Variants in MVB12A observed in about 807,000 individuals in gnomAD.
MVB12A encodes CIN85/CD2AP family binding protein.
Under a neutral mutation model 34.3 loss-of-function variants are expected in MVB12A, and 30 were observed. The ratio of observed to expected loss-of-function variants is 0.88; its 90% CI spans 0.65 to 1.19. The LOEUF (loss-of-function observed/expected upper bound fraction) is 1.19, where lower values mean the gene tolerates loss of function less well. Ranked by LOEUF, MVB12A falls within the 50% of genes most tolerant of loss-of-function variation. The pLI, the probability that MVB12A is intolerant of heterozygous loss-of-function variation, is 0.00. For missense variants in MVB12A, 355 were observed against 369.2 expected (o/e 0.96, Z 0.31); for synonymous variants, 158 against 158.9 (o/e 0.99, Z 0.04).
rs113949711 is a variant in MVB12A at position 17,420,699 on chromosome 19, A to G, written c.286+65A>G. The G allele has an allele frequency of 1.9e-3, 2,248 of 1,192,812 alleles. 29 individuals are homozygous for G. The African/African-American group carries it at 0.029, about 16-fold the overall frequency. 73.9% of individuals were successfully genotyped at this position (1,192,812 alleles called of 1,614,324 possible). A position where few individuals can be genotyped will look rare whatever the true frequency, so the allele number is the denominator to read the frequency against. ...TGCAGGGAGGAGCGGGGGAGGAGGG[A>G]CGACGGGCGCGCGGTATCTGAGCCT... On this transcript the variant is annotated intron_variant, in intron 3 of 8. Transcript: ENST00000317040.
At chr19:17,413,212 T>C (rs1276474717) in intron 2 of MVB12A, 1 of 152,084 alleles carries the variant, frequency 6.6e-6, no homozygotes, top group African/African-American at 2.4e-5. Context: ...AACTTTCCCT[T>C]TGGTACAGAC....
chr19:17,423,640 G>T (rs776986817), intron 5 of MVB12A, 23 bp downstream of exon 5: 38 of 1,613,364 alleles, frequency 2.4e-5, no homozygotes, highest in Admixed American at 3.3e-5. Context: ...GCACCGGAGT[G>T]GGGGTGGCCG....
intron 2 of MVB12A, among the ~76,000 whole-genome samples, chr19:17,411,353 CCT>C (rs1447483789): frequency 1.3e-5 from 2 of 151,558 alleles, no homozygotes; most frequent in Admixed American, 6.6e-5. Flanking sequence ...CCCAATTTCC[CCT>C]CTTTTATTTA....
upstream of MVB12A, chr19:17,419,387 C>T (rs1220879294): frequency 1.3e-5 from 2 of 150,394 alleles, no homozygotes; most frequent in Admixed American, 6.6e-5. Flanking sequence ...CTGGTGGCAT[C>T]CTCAGTAGCT....
Position 17,425,104 on chromosome 19 carries a change from C to G in MVB12A, c.*111C>G. 1 of 653,290 alleles carries G rather than the reference C, an allele frequency of 1.5e-6. No homozygotes were observed. Among genetic ancestry groups the G allele is most frequent in the South Asian group, 1.9e-5 (1 of 52,892 alleles). The allele number at this position is 653,290 out of a possible 1,614,324, so 40.5% of individuals were successfully genotyped here. A position where few individuals can be genotyped will look rare whatever the true frequency, so the allele number is the denominator to read the frequency against. On this transcript the variant is annotated 3_prime_UTR_variant, in exon 9 of 9. Coordinates refer to ENST00000317040, the MANE Select transcript of MVB12A (RefSeq NM_138401.4). ...CCCCCACTCACTGCATCCTGGGAAC[C>G]TTCGCCCTGCAAGGCGTTTGCTATC...
chr19:17,424,735 G>T (rs1272793387), intron 8 of MVB12A, 58 bp downstream of exon 8: 3 of 1,542,738 alleles, frequency 1.9e-6, no homozygotes, highest in Admixed American at 2.0e-5. Context: ...TGCCTGAGGG[G>T]CCGGCACCCG....
intron 3 of MVB12A, 71 bp downstream of exon 3, chr19:17,420,705 GGC>G: frequency 8.8e-7 from 1 of 1,134,960 alleles, no homozygotes; most frequent in Non-Finnish European, 1.3e-6. Context: ...AGGGACGACG[GGC>G]GCGCGGTATC....
intron 4 of MVB12A, 89 bp from the exon 5 acceptor site, chr19:17,423,409 T>A: frequency 6.9e-7 from 1 of 1,442,326 alleles, no homozygotes; most frequent in Non-Finnish European, 9.3e-7. Flanking sequence ...GTCACCTGCA[T>A]GCCCGGGTCC....
At chr19:17,409,629 G>A (rs1343128504) in intron 2 of MVB12A, among the ~76,000 whole-genome samples, 2 of 142,426 alleles carry the variant, frequency 1.4e-5, no homozygotes. Flanking sequence ...TGTATTTTTA[G>A]TAGAGAGGTT....
intron 7 of MVB12A, among the ~76,000 whole-genome samples, 155 bp from the exon 8 acceptor site, chr19:17,424,466 A>AAAAAC (rs531340265): frequency 2.0e-5 from 3 of 152,012 alleles, no homozygotes; most frequent in Non-Finnish European, 4.4e-5. Context: ...CTTTGTCTCT[A>AAAAAC]AAAACAAAAC....
At chr19:17,419,547 T>C (rs1301922029), upstream of MVB12A, 1 of 152,234 alleles carries the variant, frequency 6.6e-6, no homozygotes, top group Admixed American at 6.5e-5. Context: ...CCACAGATGA[T>C]TTCCTTTGGG....
chr19:17,417,029 CT>C, upstream of MVB12A: 1 of 378,838 alleles, frequency 2.6e-6, no homozygotes, highest in South Asian at 2.0e-5. Flanking sequence ...TCCTCCTCTT[CT>C]TTCTTCATCT....
At position 17,425,236 on chromosome 19, in the gene MVB12A, A is replaced by G. The variant is rs2074864841; in HGVS notation, c.*243A>G. The G allele has an allele frequency of 1.9e-6, 1 of 514,406 alleles. No homozygotes were observed. The highest frequency in any genetic ancestry group is 3.4e-5 in the East Asian group (1 of 29,798). 31.9% of individuals were successfully genotyped at this position (514,406 alleles called of 1,614,324 possible). A position where few individuals can be genotyped will look rare whatever the true frequency, so the allele number is the denominator to read the frequency against. Reference sequence around the variant, plus strand: ...CTGCCGGGCAGGGCTGGAGCTGGACAGAAGCCAGTGCCTTTAAGTCATTTG... The same window carrying G: ...CTGCCGGGCAGGGCTGGAGCTGGACGGAAGCCAGTGCCTTTAAGTCATTTG... On this transcript the variant is annotated 3_prime_UTR_variant, in exon 9 of 9. Coordinates refer to ENST00000317040, the MANE Select transcript of MVB12A (RefSeq NM_138401.4).
At chr19:17,419,527 G>A (rs1318224535), upstream of MVB12A, 1 of 152,198 alleles carries the variant, frequency 6.6e-6, no homozygotes, top group Non-Finnish European at 1.5e-5. Flanking sequence ...TAAATCAATA[G>A]CTGCGTATCC....
chr19:17,415,259 G>T (rs1185753044), upstream of MVB12A: 3 of 152,278 alleles, frequency 2.0e-5, no homozygotes, highest in Admixed American at 2.0e-4. Flanking sequence ...AACGCCATCT[G>T]GCCCCTTGAT....
chr19:17,424,763 G>A, intron 8 of MVB12A, 86 bp downstream of exon 8: 1 of 1,513,774 alleles, frequency 6.6e-7, no homozygotes, highest in East Asian at 2.3e-5. Context: ...TCCGCCCCAG[G>A]CTGTCCCAGT....
chr19:17,421,428 C>T (rs1408082463), intron 3 of MVB12A, among the ~76,000 whole-genome samples: 1 of 151,934 alleles, frequency 6.6e-6, no homozygotes, highest in Non-Finnish European at 1.5e-5. Flanking sequence ...AGGTGATCCA[C>T]CTGCCTGGGC....
rs1053826805 is a variant in MVB12A at position 17,420,060 on chromosome 19, G to C, written c.-76G>C. Reference sequence around the variant, plus strand: ...CTTCTGGGAGTTGTAGTTCGGTCGCGAGCGCTGCCGTCGGGAGGCGCTCCG... The same window carrying C: ...CTTCTGGGAGTTGTAGTTCGGTCGCCAGCGCTGCCGTCGGGAGGCGCTCCG... On this transcript the variant is annotated 5_prime_UTR_variant, in exon 1 of 9. Transcript: ENST00000317040. The C allele has an allele frequency of 7.5e-6, 7 of 938,974 alleles. No homozygotes were observed. The East Asian group carries it at 1.8e-4, about 24-fold the overall frequency. The allele number at this position is 938,974 out of a possible 1,614,324, so 58.2% of individuals were successfully genotyped here.
chr19:17,417,152 G>T, upstream of MVB12A: 1 of 234,112 alleles, frequency 4.3e-6, no homozygotes, highest in East Asian at 9.5e-5. Context: ...CAGCTTTGCC[G>T]CCTTAGTGAC....
Sources: allele counts gnomAD v4.1 joint callset (sites outside exome capture counted in the v4.1 genomes callset), GRCh38; gene constraint gnomAD v4.1.1; transcripts MANE v1.5; gene names NCBI Gene and HGNC (gene_info 2026-07-23, HGNC 2026-07-21).